Variants in MZT2A observed in about 807,000 individuals in gnomAD.
MZT2A encodes mitotic-spindle organizing protein 2A.
In MZT2A, 8 loss-of-function variants were observed where a neutral mutation model predicts 12.4. The ratio of observed to expected loss-of-function variants is 0.64; its 90% CI spans 0.38 to 1.16. The LOEUF (loss-of-function observed/expected upper bound fraction) is 1.16. Among genes scored for constraint, MZT2A ranks in the 50% most tolerant of loss-of-function variants. MZT2A has a pLI of 0.01. For missense variants in MZT2A, 181 were observed against 223.6 expected (o/e 0.81, Z 1.22); for synonymous variants, 88 against 107.5 (o/e 0.82, Z 1.12).
At chr2:131,488,650 C>T (rs1679155289) in intron 2 of MZT2A, among the ~76,000 whole-genome samples, 1 of 152,104 alleles carries the variant, frequency 6.6e-6, no homozygotes, top group Non-Finnish European at 1.5e-5. Flanking sequence ...AATATGTGGG[C>T]CTCAGAGAGC....
At chr2:131,489,543 T>C (rs1287955149) in intron 2 of MZT2A, 3 of 151,772 alleles carry the variant, frequency 2.0e-5, no homozygotes, top group East Asian at 3.8e-4. Context: ...TTTTTTTTTG[T>C]ATTTTTAGTA....
intron 2 of MZT2A, chr2:131,490,137 G>C (rs1260656931): frequency 1.2e-5 from 8 of 677,396 alleles, no homozygotes; most frequent in Non-Finnish European, 1.3e-5. Context: ...CAGGAGGCGC[G>C]ACCAAAGACC....
At chr2:131,487,516 A>G (rs1559358659) in intron 2 of MZT2A, among the ~76,000 whole-genome samples, 1 of 152,232 alleles carries the variant, frequency 6.6e-6, no homozygotes, top group East Asian at 1.9e-4. Flanking sequence ...AAAATGCACA[A>G]TTAGCTCAAA....
At chr2:131,470,261 T>C in exon 4 of MZT2A, 1 of 850,754 alleles carries the variant, frequency 1.2e-6, no homozygotes, top group Non-Finnish European at 1.7e-6. Flanking sequence ...CAAGAACTCC[T>C]GCAGGGCCAG....
downstream of MZT2A, among the ~76,000 whole-genome samples, chr2:131,481,383 C>T (rs1559351041): frequency 6.6e-6 from 1 of 151,890 alleles, no homozygotes; most frequent in Non-Finnish European, 1.5e-5. Context: ...ATTCTCTCAC[C>T]TCAGCCTCCC....
intron 2 of MZT2A, among the ~76,000 whole-genome samples, chr2:131,474,260 G>C (rs6759526): frequency 1.3e-5 from 2 of 151,892 alleles, no homozygotes; most frequent in Non-Finnish European, 2.9e-5. Context: ...GCCACGCCCG[G>C]CTAATTTTTT....
At chr2:131,489,047 G>A (rs148787506) in intron 2 of MZT2A, among the ~76,000 whole-genome samples, 16 of 151,804 alleles carry the variant, frequency 1.1e-4, no homozygotes, top group East Asian at 1.9e-4. Context: ...CCTGGACAGC[G>A]CTCTGCCTCT....
chr2:131,476,035 G>A lies in MZT2A; in HGVS notation c.279-3853C>T, dbSNP rs1450369016. ...CAATGGCCAATCAGAACTGGGATCCGGCCCTCAGCCCGCCTCCCAGGAACT... is the reference window on the plus strand; with the variant it reads ...CAATGGCCAATCAGAACTGGGATCCAGCCCTCAGCCCGCCTCCCAGGAACT... On this transcript the variant is annotated intron_variant and NMD_transcript_variant, in intron 2 of 4. Coordinates refer to the MZT2A transcript ENST00000427024. The A allele has an allele frequency of 1.6e-5, 22 of 1,341,822 alleles. No individual in the cohort carries two copies. In the South Asian group the frequency reaches 1.7e-4, roughly 10 times the overall value. The allele number at this position is 1,341,822 out of a possible 1,614,324, so 83.1% of individuals were successfully genotyped here.
At chr2:131,490,721 GGA>G (rs1679259281) in intron 2 of MZT2A, 7 of 1,549,522 alleles carry the variant, frequency 4.5e-6, no homozygotes, top group Middle Eastern at 1.7e-4. Flanking sequence ...ACCTGCAAAA[GGA>G]GAGAACAGGC....
chr2:131,484,789 C>T (rs1433071258), intron 2 of MZT2A, among the ~76,000 whole-genome samples: 1 of 152,222 alleles, frequency 6.6e-6, no homozygotes, highest in Non-Finnish European at 1.5e-5. Context: ...AAGCCTCTTG[C>T]TTTCGGGTTT....
At chr2:131,486,214 A>G (rs997346536) in intron 2 of MZT2A, among the ~76,000 whole-genome samples, 14 of 151,982 alleles carry the variant, frequency 9.2e-5, no homozygotes, top group African/African-American at 3.1e-4. Flanking sequence ...GACAATAGCC[A>G]CCACGCATCT....
At chr2:131,492,609 G>T (rs1480113111), upstream of MZT2A, 1 of 1,217,754 alleles carries the variant, frequency 8.2e-7, no homozygotes, top group East Asian at 6.0e-5. Flanking sequence ...GGACTGCAGG[G>T]GCCAGCTGCT....
At chr2:131,492,809 A>G, upstream of MZT2A, 1 of 1,421,162 alleles carries the variant, frequency 7.0e-7, no homozygotes, top group Non-Finnish European at 9.4e-7. Context: ...CTAATCAACA[A>G]CCCTGCTTAC....
chr2:131,485,604 GCTCT>G (rs1230811902), intron 2 of MZT2A, among the ~76,000 whole-genome samples: 2 of 152,100 alleles, frequency 1.3e-5, no homozygotes, highest in Non-Finnish European at 2.9e-5. Context: ...ATCCCAACTG[GCTCT>G]CATCTTGGAA....
chr2:131,474,996 T>G (rs947336287), intron 2 of MZT2A, among the ~76,000 whole-genome samples: 1 of 152,196 alleles, frequency 6.6e-6, no homozygotes, highest in Non-Finnish European at 1.5e-5. Flanking sequence ...AGTTTCGCTC[T>G]GTCGCCCAGG....
At position 131,489,052 on chromosome 2, in the gene MZT2A, G is replaced by A. The variant is rs1176192930; in HGVS notation, c.319+2824C>T. On this transcript the variant is annotated intron_variant, in intron 2 of 2. Coordinates refer to ENST00000309451, the MANE Select transcript of MZT2A (RefSeq NM_001085365.2). ...CCTACCAGCACCTGGACAGCGCTCT[G>A]CCTCTCCCATGCCCTCCCACTGCCC... Among the ~76,000 whole-genome samples the A allele has an allele frequency of 3.9e-5, 6 of 151,952 alleles. No homozygotes were observed. In the East Asian group the frequency reaches 1.2e-3, roughly 29 times the overall value.
At chr2:131,492,896 G>T, upstream of MZT2A, 3 of 1,508,648 alleles carry the variant, frequency 2.0e-6, no homozygotes, top group Non-Finnish European at 1.8e-6. Flanking sequence ...CAACGCAGGC[G>T]CATTCAGCTA....
chr2:131,491,272 C>G (rs1253052650), intron 2 of MZT2A: 7 of 349,578 alleles, frequency 2.0e-5, no homozygotes, highest in South Asian at 1.8e-4. Flanking sequence ...TCAGACCCCG[C>G]AGGCCTCTGC....
upstream of MZT2A, chr2:131,493,131 G>C (rs1679419395): frequency 6.8e-7 from 1 of 1,472,406 alleles, no homozygotes. Flanking sequence ...CGACGCTATG[G>C]GTCCCACAGG....
Sources: allele counts gnomAD v4.1 joint callset (sites outside exome capture counted in the v4.1 genomes callset), GRCh38; gene constraint gnomAD v4.1.1; transcripts MANE v1.5; gene names NCBI Gene and HGNC (gene_info 2026-07-23, HGNC 2026-07-21).